Variants in ZMYM4 observed in about 807,000 individuals in gnomAD.
ZMYM4 encodes zinc finger MYM-type protein 4.
A neutral mutation model predicts 183.2 loss-of-function variants in ZMYM4; 31 were observed. That is an observed-to-expected ratio of 0.17 (90% CI 0.13 to 0.23). ZMYM4 has a LOEUF of 0.23. Among genes scored for constraint, ZMYM4 ranks in the 10% least tolerant of loss-of-function variants. The pLI is 1.00. For synonymous variants in ZMYM4, 592 were observed against 631.2 expected, an observed-to-expected ratio of 0.94 and a Z score of 0.93; for missense variants, 1,273 against 1,840.3, an observed-to-expected ratio of 0.69 and a Z score of 5.64.
At chr1:35,358,279 G>A (rs1570430606) in intron 2 of ZMYM4, among the ~76,000 whole-genome samples, 1 of 152,082 alleles carries the variant, frequency 6.6e-6, no homozygotes, top group Non-Finnish European at 1.5e-5. Context: ...GGAGAGATTA[G>A]TATATATTAG....
chr1:35,297,757 T>G (rs1371866198), intron 1 of ZMYM4, among the ~76,000 whole-genome samples: 1 of 152,176 alleles, frequency 6.6e-6, no homozygotes, highest in African/African-American at 2.4e-5. Context: ...GTGATGCCCC[T>G]GCATATGTGG....
intron 27 of ZMYM4, 49 bp from the exon 28 acceptor site, chr1:35,415,417 A>T: frequency 6.2e-7 from 1 of 1,608,388 alleles, no homozygotes; most frequent in Non-Finnish European, 8.5e-7. Flanking sequence ...TACTTAGTCT[A>T]CTTTAGCAGG....
At position 35,370,459 on chromosome 1, in the gene ZMYM4, G is replaced by A. The variant is rs755627686; in HGVS notation, c.1013G>A (p.Arg338Gln). Reference protein sequence around the residue: ...MLPSVPATAVRVSCSGCKKIL... With the variant: ...MLPSVPATAVQVSCSGCKKIL... ...CCTTCAGTTCCAGCCACAGCTGTTCGAGTTTCCTGTTCTGGTTGTAAAAAA... is the reference window on the plus strand; with the variant it reads ...CCTTCAGTTCCAGCCACAGCTGTTCAAGTTTCCTGTTCTGGTTGTAAAAAA... Residue 338 changes from arginine to glutamine, a missense_variant, in exon 7 of 30, where the codon CGA becomes CAA. Physicochemically the swap from Arg to Gln is conservative, Grantham distance 43 (BLOSUM62 1). Around this residue, in one of 6 missense-constraint regions of ZMYM4, gnomAD observed 384 missense variants for 465.6 expected, o/e 0.82. Coordinates refer to ENST00000314607, the MANE Select transcript of ZMYM4 (RefSeq NM_005095.3). 21 of 1,600,404 alleles carry A rather than the reference G, an allele frequency of 1.3e-5. No homozygotes were observed. The highest frequency in any genetic ancestry group is 4.2e-5 in the African/African-American group (3 of 70,890).
At chr1:35,347,297 G>A (rs535066116) in intron 2 of ZMYM4, among the ~76,000 whole-genome samples, 1 of 152,238 alleles carries the variant, frequency 6.6e-6, no homozygotes, top group East Asian at 1.9e-4. Flanking sequence ...GTGAGCCACC[G>A]CACCCAGCCT....
chr1:35,390,273 GTCC>G (rs2148988786), intron 15 of ZMYM4, among the ~76,000 whole-genome samples, 175 bp downstream of exon 15: 1 of 152,022 alleles, frequency 6.6e-6, no homozygotes, highest in Admixed American at 6.5e-5. Context: ...TTTCACTGTC[GTCC>G]GTGTGAAGAG....
intron 1 of ZMYM4, among the ~76,000 whole-genome samples, chr1:35,298,257 T>C (rs548324006): frequency 6.6e-6 from 1 of 152,188 alleles, no homozygotes; most frequent in African/African-American, 2.4e-5. Context: ...AAAATAAAAA[T>C]ATTAGCTGGA....
intron 1 of ZMYM4, chr1:35,310,457 C>T (rs1220070644): frequency 6.2e-6 from 1 of 160,744 alleles, no homozygotes; most frequent in Non-Finnish European, 1.4e-5. Context: ...AAAAGGTATA[C>T]AGAAAAGATA....
At chr1:35,353,266 C>T (rs570928083) in intron 2 of ZMYM4, among the ~76,000 whole-genome samples, 42 of 152,318 alleles carry the variant, frequency 2.8e-4, no homozygotes, top group African/African-American at 1.0e-3. Context: ...CTAAGTGGTC[C>T]TAAGTGATCT....
intron 1 of ZMYM4, among the ~76,000 whole-genome samples, chr1:35,278,616 G>A (rs1042257464): frequency 2.0e-5 from 3 of 151,898 alleles, no homozygotes; most frequent in East Asian, 1.9e-4. Flanking sequence ...TAGTGGAGAC[G>A]GGGTTTCACT....
At chr1:35,272,801 C>T (rs1053629794) in intron 1 of ZMYM4, among the ~76,000 whole-genome samples, 6 of 152,146 alleles carry the variant, frequency 3.9e-5, no homozygotes, top group African/African-American at 2.4e-5. Flanking sequence ...CTCCGCCTCC[C>T]GGGTTCACGC....
chr1:35,408,848 A>G (rs956470831), intron 26 of ZMYM4, among the ~76,000 whole-genome samples: 5 of 152,354 alleles, frequency 3.3e-5, no homozygotes, highest in Middle Eastern at 3.4e-3. Context: ...TAATAAGTAC[A>G]TTCTTAATGT....
chr1:35,335,418 G>A (rs536278561), intron 2 of ZMYM4, among the ~76,000 whole-genome samples: 1 of 151,958 alleles, frequency 6.6e-6, no homozygotes, highest in South Asian at 2.1e-4. Flanking sequence ...TATATTTTTA[G>A]TAGAGACGAG....
intron 2 of ZMYM4, among the ~76,000 whole-genome samples, chr1:35,352,349 G>GC (rs1643653091): frequency 7.1e-6 from 1 of 141,382 alleles, no homozygotes; most frequent in Admixed American, 7.2e-5. Context: ...GGGCAACAGA[G>GC]CAAGACCTTG....
chr1:35,280,005 C>A (rs146800148), intron 1 of ZMYM4, among the ~76,000 whole-genome samples: 2 of 152,334 alleles, frequency 1.3e-5, no homozygotes, highest in East Asian at 3.9e-4. Flanking sequence ...GTCTTTAAGG[C>A]AGTCTGTACT....
intron 22 of ZMYM4, 69 bp from the exon 23 acceptor site, chr1:35,399,413 C>A: frequency 7.4e-7 from 1 of 1,351,236 alleles, no homozygotes; most frequent in Non-Finnish European, 1.0e-6. Context: ...TATTTCTTTA[C>A]TAGTCTAAGT....
At chr1:35,370,930 ATATTG>A (rs1644194964) in intron 7 of ZMYM4, 1 of 238,040 alleles carries the variant, frequency 4.2e-6, no homozygotes. Flanking sequence ...ACATTTAGGG[ATATTG>A]TATTACAGCA....
At chr1:35,379,529 C>T (rs1233351566) in intron 7 of ZMYM4, among the ~76,000 whole-genome samples, 1 of 152,260 alleles carries the variant, frequency 6.6e-6, no homozygotes, top group Non-Finnish European at 1.5e-5. Flanking sequence ...AGCCGCCACG[C>T]CCGGCCAACT....
intron 7 of ZMYM4, among the ~76,000 whole-genome samples, chr1:35,376,113 G>A (rs1181586481): frequency 1.3e-5 from 2 of 151,840 alleles, no homozygotes; most frequent in African/African-American, 4.8e-5. Context: ...GCAGAGAAGA[G>A]GTAATTTGGA....
At chr1:35,356,945 A>T (rs899757787) in intron 2 of ZMYM4, among the ~76,000 whole-genome samples, 2 of 152,072 alleles carry the variant, frequency 1.3e-5, no homozygotes, top group Non-Finnish European at 2.9e-5. Context: ...GTGCAGTGGC[A>T]CAATTATAGC....
Sources: allele counts gnomAD v4.1 joint callset (sites outside exome capture counted in the v4.1 genomes callset), GRCh38; gene constraint gnomAD v4.1.1; regional missense constraint gnomAD v4.1.1; transcripts MANE v1.5; gene names NCBI Gene and HGNC (gene_info 2026-07-23, HGNC 2026-07-21).